The following MNAT1 variants were observed in gnomAD, a reference collection of about 807,000 sequenced individuals.
MNAT1 encodes CDK-activating kinase assembly factor MAT1.
In MNAT1, 43 loss-of-function variants were observed where a neutral mutation model predicts 42.0. That is an observed-to-expected ratio of 1.02 (90% CI 0.80 to 1.32). MNAT1 has a LOEUF of 1.32. MNAT1 is among the 40% of genes most tolerant of loss of function. The pLI, the probability that MNAT1 is intolerant of heterozygous loss-of-function variation, is 0.00. For missense variants in MNAT1, 306 were observed against 350.4 expected, an observed-to-expected ratio of 0.87 and a Z score of 1.01; for synonymous variants, 118 against 120.0, an observed-to-expected ratio of 0.98 and a Z score of 0.11.
At chr14:60,764,214 A>G (rs2030721633) in intron 1 of MNAT1, among the ~76,000 whole-genome samples, 1 of 152,198 alleles carries the variant, frequency 6.6e-6, no homozygotes. Flanking sequence ...TAAAGTGAAA[A>G]GTTTATGTGT....
At chr14:60,796,480 A>G (rs1204448886) in intron 2 of MNAT1, 111 bp downstream of exon 2, 8 of 987,640 alleles carry the variant, frequency 8.1e-6, no homozygotes, top group African/African-American at 3.3e-5. Flanking sequence ...GTAAATAACT[A>G]TAAATTCATT....
chr14:60,803,587 T>G (rs754707542), intron 3 of MNAT1, among the ~76,000 whole-genome samples: 4 of 152,130 alleles, frequency 2.6e-5, no homozygotes, highest in Non-Finnish European at 5.9e-5. Context: ...ATGGAATTAT[T>G]AGAGATGAGA....
intron 1 of MNAT1, 36 bp from the exon 2 acceptor site, chr14:60,796,181 T>G: frequency 6.3e-7 from 1 of 1,579,046 alleles, no homozygotes; most frequent in Non-Finnish European, 8.6e-7. Flanking sequence ...ATTTGAACAT[T>G]GGCTTAAATG....
chr14:60,942,102 C>G (rs143923486), intron 7 of MNAT1, among the ~76,000 whole-genome samples: 1 of 151,064 alleles, frequency 6.6e-6, no homozygotes, highest in African/African-American at 2.4e-5. Context: ...TTTCCACACT[C>G]CACTAAAAAA....
rs1310954249 is a variant in MNAT1 at position 60,910,133 on chromosome 14, A to G, written c.809+30298A>G. ...TGATTTGGCTCTCTGTTTGTCTGTG[A>G]CTGGTGTATAAGAATGCTTGTGATT... On this transcript the variant is annotated intron_variant, in intron 7 of 7. Coordinates refer to ENST00000261245, the MANE Select transcript of MNAT1 (RefSeq NM_002431.4). Among the ~76,000 whole-genome samples, 590 of 152,202 alleles carry G rather than the reference A, an allele frequency of 3.9e-3. 8 individuals are homozygous for G. The highest frequency in any genetic ancestry group is 0.013 in the African/African-American group (548 of 41,524).
chr14:60,867,874 C>T (rs1161508690), intron 6 of MNAT1, among the ~76,000 whole-genome samples: 6 of 151,986 alleles, frequency 3.9e-5, no homozygotes, highest in African/African-American at 1.4e-4. Context: ...TGTCTTTTTA[C>T]TGTTTACTTT....
intron 1 of MNAT1, among the ~76,000 whole-genome samples, chr14:60,761,917 A>G (rs2030615271): frequency 6.6e-6 from 1 of 152,090 alleles, no homozygotes; most frequent in African/African-American, 2.4e-5. Flanking sequence ...GTGTGGTTTG[A>G]CAGTTTTTAG....
intron 6 of MNAT1, among the ~76,000 whole-genome samples, chr14:60,857,548 A>C (rs1201632764): frequency 6.6e-6 from 1 of 152,218 alleles, no homozygotes; most frequent in Non-Finnish European, 1.5e-5. Context: ...AGAATATTAT[A>C]TAAACTTAGT....
chr14:60,879,948 G>A, intron 7 of MNAT1, 113 bp downstream of exon 7: 1 of 1,248,354 alleles, frequency 8.0e-7, no homozygotes, highest in South Asian at 1.7e-5. Flanking sequence ...TTACTGTTTT[G>A]TGAAAAATGA....
chr14:60,757,320 G>A (rs2030402388), intron 1 of MNAT1, among the ~76,000 whole-genome samples: 1 of 152,180 alleles, frequency 6.6e-6, no homozygotes, highest in South Asian at 2.1e-4. Flanking sequence ...TATATAGACT[G>A]TATCAAGCCA....
At chr14:60,881,178 G>A (rs1213423642) in intron 7 of MNAT1, among the ~76,000 whole-genome samples, 3 of 151,960 alleles carry the variant, frequency 2.0e-5, no homozygotes, top group Admixed American at 1.3e-4. Flanking sequence ...TTCCTAGAAT[G>A]TTGAATTATT....
intron 7 of MNAT1, among the ~76,000 whole-genome samples, chr14:60,958,300 T>C (rs914594635): frequency 1.3e-5 from 2 of 152,176 alleles, no homozygotes; most frequent in African/African-American, 2.4e-5. Flanking sequence ...GCATAAAGTA[T>C]TTTTGGTTGG....
intron 6 of MNAT1, among the ~76,000 whole-genome samples, chr14:60,857,205 T>C (rs2033981939): frequency 6.6e-6 from 1 of 152,224 alleles, no homozygotes; most frequent in African/African-American, 2.4e-5. Context: ...CTCTGACAGA[T>C]GTACGAGGAG....
intron 7 of MNAT1, among the ~76,000 whole-genome samples, chr14:60,930,708 G>A (rs8018928): frequency 1.8e-3 from 277 of 152,306 alleles, no homozygotes; most frequent in African/African-American, 6.5e-3. Context: ...AGGATTCAGA[G>A]ATTTGACAGA....
At chr14:60,899,039 G>A (rs987578573) in intron 7 of MNAT1, among the ~76,000 whole-genome samples, 4 of 151,982 alleles carry the variant, frequency 2.6e-5, no homozygotes, top group African/African-American at 9.7e-5. Flanking sequence ...TACGTACTTG[G>A]TATCATTGTT....
chr14:60,915,290 C>G (rs2035487921), intron 7 of MNAT1, among the ~76,000 whole-genome samples: 1 of 152,166 alleles, frequency 6.6e-6, no homozygotes, highest in Non-Finnish European at 1.5e-5. Context: ...TCTAAAACCT[C>G]TTCTCTACCC....
chr14:60,741,658 G>GTTTTTTTTTTTTTTTT (rs3049888), intron 1 of MNAT1, among the ~76,000 whole-genome samples: 28 of 92,004 alleles, frequency 3.0e-4, no homozygotes, highest in Non-Finnish European at 3.4e-4. Context: ...TGCGCCTGGG[G>GTTTTTTTTTTTTTTTT]TTTTTTTTTT....
chr14:60,899,145 T>A (rs572791697), intron 7 of MNAT1, among the ~76,000 whole-genome samples: 1 of 152,286 alleles, frequency 6.6e-6, no homozygotes, highest in African/African-American at 2.4e-5. Context: ...TAATTTCATG[T>A]AGAGCTTGTC....
At chr14:60,791,410 C>G (rs2031813770) in intron 1 of MNAT1, among the ~76,000 whole-genome samples, 1 of 152,044 alleles carries the variant, frequency 6.6e-6, no homozygotes, top group Non-Finnish European at 1.5e-5. Context: ...CTTCATATTC[C>G]AAAAGCACTT....
Sources: gnomAD v4.1 joint callset for allele counts (sites outside exome capture counted in the v4.1 genomes callset) on GRCh38, gnomAD v4.1.1 for gene constraint, MANE v1.5 for transcripts, NCBI Gene and HGNC (gene_info 2026-07-23, HGNC 2026-07-21) for gene names.